The following SCARA5 variants were observed in gnomAD, a reference collection of about 807,000 sequenced individuals.
The protein encoded by SCARA5 is scavenger receptor class A member 5, also known as scavenger receptor class A, member 5 (putative).
In SCARA5, 45 loss-of-function variants were observed where a neutral mutation model predicts 46.3. The ratio of observed to expected loss-of-function variants is 0.97; its 90% CI spans 0.76 to 1.24. The LOEUF (loss-of-function observed/expected upper bound fraction) is 1.24. Ranked by LOEUF, SCARA5 falls within the 50% of genes most tolerant of loss-of-function variation. SCARA5 has a pLI of 0.00. For synonymous variants in SCARA5, 333 were observed against 306.5 expected, an observed-to-expected ratio of 1.09 and a Z score of -0.90; for missense variants, 680 against 689.0, an observed-to-expected ratio of 0.99 and a Z score of 0.15.
intron 2 of SCARA5, among the ~76,000 whole-genome samples, chr8:27,972,356 A>G (rs937396121): frequency 6.6e-6 from 1 of 151,822 alleles, no homozygotes; most frequent in African/African-American, 2.4e-5. Context: ...CAAAACAAAA[A>G]AAAACAAAAA....
At chr8:27,966,564 A>T in intron 2 of SCARA5, 22 bp from the exon 3 acceptor site, 1 of 1,583,988 alleles carries the variant, frequency 6.3e-7, no homozygotes, top group Non-Finnish European at 8.6e-7. Context: ...GGGTAAGAGG[A>T]GGAAGGAAAG....
intron 2 of SCARA5, among the ~76,000 whole-genome samples, chr8:27,975,414 C>G (rs1347210985): frequency 6.6e-6 from 1 of 152,164 alleles, no homozygotes; most frequent in Admixed American, 6.5e-5. Flanking sequence ...TAATCAAACT[C>G]AGGGTGGGAG....
chr8:27,907,431 C>T (rs1807282329), intron 5 of SCARA5, among the ~76,000 whole-genome samples, 185 bp from the exon 6 acceptor site: 2 of 152,142 alleles, frequency 1.3e-5, no homozygotes, highest in African/African-American at 4.8e-5. Context: ...TGGACCCTCC[C>T]ATGCACACCT....
At chr8:27,982,204 G>A (rs1369274210) in intron 2 of SCARA5, among the ~76,000 whole-genome samples, 1 of 152,098 alleles carries the variant, frequency 6.6e-6, no homozygotes, top group East Asian at 1.9e-4. Context: ...GAATGGGACT[G>A]CAGTATTTTT....
intron 2 of SCARA5, among the ~76,000 whole-genome samples, chr8:27,982,502 A>G (rs1254587071): frequency 1.3e-5 from 2 of 152,190 alleles, no homozygotes; most frequent in Admixed American, 1.3e-4. Flanking sequence ...GGAACCTTCC[A>G]GGTCCTATTT....
rs1259435204 is a variant in SCARA5 at position 27,987,544 on chromosome 8, A to C, written c.72T>G (p.Phe24Leu). The change falls in exon 2 of 9, where the codon TTT (phenylalanine) becomes TTG (leucine). Residue 24 changes from phenylalanine to leucine, a missense_variant. By Grantham distance (22) the Phe-to-Leu change is conservative. This residue lies in a region of SCARA5 where 23 missense variants were observed against 35.0 expected (regional missense o/e 0.66). Coordinates refer to ENST00000354914, the MANE Select transcript of SCARA5 (RefSeq NM_173833.6). ...TCAGCTTGGACAGGCTCCTGCCATC[A>C]AAGGAATCCTCACAGATGGAGCTGG... is the stretch of plus-strand genomic sequence containing the variant. ...CDTSSICEDS[F>L]DGRSLSKLNL... The C allele has an allele frequency of 6.2e-7, 1 of 1,614,066 alleles. No individual in the cohort carries two copies. The highest frequency in any genetic ancestry group is 1.7e-5 in the Admixed American group (1 of 60,026).
intron 2 of SCARA5, among the ~76,000 whole-genome samples, chr8:27,975,541 G>A (rs763838053): frequency 3.3e-5 from 5 of 152,090 alleles, no homozygotes; most frequent in Non-Finnish European, 7.4e-5. Flanking sequence ...CAGGTGCATC[G>A]CATCAGGATT....
chr8:27,897,760 C>T (rs951503940), intron 7 of SCARA5, among the ~76,000 whole-genome samples: 1 of 152,236 alleles, frequency 6.6e-6, no homozygotes, highest in African/African-American at 2.4e-5. Flanking sequence ...CTAGATAAGG[C>T]GTCACAGCAG....
intron 3 of SCARA5, among the ~76,000 whole-genome samples, chr8:27,966,204 G>A (rs553998997): frequency 6.6e-6 from 1 of 152,276 alleles, no homozygotes; most frequent in South Asian, 2.1e-4. Flanking sequence ...TCTACTGCTG[G>A]TCTCTTTGAT....
intron 8 of SCARA5, among the ~76,000 whole-genome samples, chr8:27,873,558 A>G (rs1355952651): frequency 7.4e-6 from 1 of 134,544 alleles, no homozygotes; most frequent in Non-Finnish European, 1.6e-5. Flanking sequence ...ACCCCTCCCC[A>G]CCAGAGAACA....
intron 5 of SCARA5, 108 bp downstream of exon 5, chr8:27,909,555 G>T (rs1164170259): frequency 1.2e-5 from 9 of 729,248 alleles, no homozygotes; most frequent in Non-Finnish European, 2.1e-5. Context: ...AGGCGGAGTT[G>T]ATTGGGCACT....
At position 27,876,340 on chromosome 8, in the gene SCARA5, C is replaced by A. The variant is rs1392013000; in HGVS notation, c.1351+3229G>T. On this transcript the variant is annotated intron_variant, in intron 8 of 8. Transcript: ENST00000354914. The stretch of plus-strand genomic sequence containing the variant: ...TCCAGGGCTGGGGCACTAACCACTG[C>A]TCTACCTGCTAATCTCCTAAGGGGA... 2.0e-5 allele frequency among the ~76,000 whole-genome samples: 3 copies of A among 152,180 alleles called. No homozygotes were observed. The East Asian group carries it at 5.8e-4, about 29-fold the overall frequency.
intron 3 of SCARA5, 100 bp from the exon 4 acceptor site, chr8:27,922,345 C>T (rs1031599420): frequency 1.5e-5 from 11 of 730,720 alleles, no homozygotes; most frequent in Middle Eastern, 2.4e-4. Context: ...AGTAGGTGCT[C>T]AATAAATGAT....
intron 4 of SCARA5, among the ~76,000 whole-genome samples, chr8:27,921,015 A>AAACAAAC (rs1247920993): frequency 2.6e-5 from 4 of 152,142 alleles, no homozygotes; most frequent in Admixed American, 1.3e-4. Context: ...CAAAACAAAC[A>AAACAAAC]AACAAACAAA....
At chr8:27,930,455 T>C (rs192697949) in intron 3 of SCARA5, among the ~76,000 whole-genome samples, 1 of 151,466 alleles carries the variant, frequency 6.6e-6, no homozygotes, top group Non-Finnish European at 1.5e-5. Flanking sequence ...CAGGCTGGAG[T>C]GCAATGGCGC....
At chr8:27,984,984 C>A (rs908599381) in intron 2 of SCARA5, among the ~76,000 whole-genome samples, 26 of 152,042 alleles carry the variant, frequency 1.7e-4, no homozygotes, top group African/African-American at 6.0e-4. Flanking sequence ...TCCATCTATT[C>A]CCTTCATTCA....
chr8:27,986,008 C>T (rs1808700092), intron 2 of SCARA5, among the ~76,000 whole-genome samples: 1 of 152,188 alleles, frequency 6.6e-6, no homozygotes, highest in Admixed American at 6.5e-5. Flanking sequence ...CTGACCCCTC[C>T]CACCCCTGAG....
intron 3 of SCARA5, among the ~76,000 whole-genome samples, chr8:27,958,278 C>G (rs1808236919): frequency 6.6e-6 from 1 of 152,248 alleles, no homozygotes. Flanking sequence ...AGGGTGTCAA[C>G]TGGCTCTTGA....
chr8:27,893,621 T>A (rs1470205795), intron 7 of SCARA5, among the ~76,000 whole-genome samples: 1 of 152,124 alleles, frequency 6.6e-6, no homozygotes, highest in Non-Finnish European at 1.5e-5. Context: ...AGACAGCTGC[T>A]CATCCTGCCT....
Sources: gnomAD v4.1 joint callset for allele counts (sites outside exome capture counted in the v4.1 genomes callset) on GRCh38, gnomAD v4.1.1 for gene constraint, gnomAD v4.1.1 regional missense constraint, MANE v1.5 for transcripts, NCBI Gene and HGNC (gene_info 2026-07-23, HGNC 2026-07-21) for gene names.